Variants in ANKRD42 observed in about 807,000 individuals in gnomAD.
ANKRD42 encodes ankyrin repeat domain 42.
Under a neutral mutation model 51.5 loss-of-function variants are expected in ANKRD42, and 43 were observed. The observed-to-expected ratio is 0.83, with a 90% CI of 0.65 to 1.08. The LOEUF is 1.08. Among genes scored for constraint, ANKRD42 ranks in the 50% least tolerant of loss-of-function variants. The probability of loss-of-function intolerance (pLI) is 0.00; values close to 1 mark genes in which losing one functional copy is unlikely to be tolerated. For synonymous variants in ANKRD42, 203 were observed against 213.0 expected (o/e 0.95, Z 0.41); for missense variants, 608 against 629.3 (o/e 0.97, Z 0.36).
rs779388267 is a variant in ANKRD42, at chr11:83,210,428, C to T, written c.450+9C>T. 1.1e-5 allele frequency: 17 copies of T among 1,613,370 alleles called. No individual in the cohort carries two copies. The highest frequency in any genetic ancestry group is 1.3e-5 in the African/African-American group (1 of 74,904). ...TGCTCCGAAGTGGAGTGGTGAGTGA[C>T]TCCTGTTAATATGTGCTAATGTGTG... On this transcript the variant is annotated intron_variant, in intron 4 of 10. Coordinates refer to ENST00000533342, the MANE Select transcript of ANKRD42 (RefSeq NM_001300975.2).
At position 83,194,410 on chromosome 11, in the gene ANKRD42, G is replaced by A; in HGVS notation, c.-261G>A. The A allele has an allele frequency of 3.0e-6, 2 of 676,238 alleles. No individual in the cohort carries two copies. The highest frequency in any genetic ancestry group is 2.7e-6 in the Non-Finnish European group (1 of 368,486). 41.9% of individuals were successfully genotyped at this position (676,238 alleles called of 1,614,324 possible). A position where few individuals can be genotyped will look rare whatever the true frequency, so the allele number is the denominator to read the frequency against. ...GGAAGTAAGTGGAGACCGCGGCTAC[G>A]CAGCCAGCGACTCCTCTGGTGTGAG... On this transcript the variant is annotated 5_prime_UTR_variant, in exon 1 of 11. Transcript: ENST00000533342.
intron 5 of ANKRD42, among the ~76,000 whole-genome samples, chr11:83,222,622 T>C (rs1426230846): frequency 3.3e-5 from 5 of 152,096 alleles, no homozygotes; most frequent in African/African-American, 1.2e-4. Flanking sequence ...ACATTTCAGG[T>C]AGAGGTAACA....
chr11:83,260,653 A>G (rs1863887752), downstream of ANKRD42: 1 of 152,234 alleles, frequency 6.6e-6, no homozygotes, highest in Non-Finnish European at 1.5e-5. Context: ...ATGATTGTCA[A>G]ACTTTTATAG....
intron 8 of ANKRD42, 89 bp from the exon 9 acceptor site, chr11:83,240,670 C>A: frequency 7.0e-7 from 1 of 1,430,000 alleles, no homozygotes. Context: ...GCAGGGTGTA[C>A]AGAGTGTAAT....
chr11:83,231,199 C>T (rs149444013), intron 7 of ANKRD42, among the ~76,000 whole-genome samples: 75 of 152,304 alleles, frequency 4.9e-4, no homozygotes, highest in African/African-American at 1.7e-3. Context: ...GCTCCCTTTT[C>T]TCCACATCCT....
intron 2 of ANKRD42, among the ~76,000 whole-genome samples, chr11:83,202,790 G>T (rs977625850): frequency 2.6e-5 from 4 of 151,982 alleles, no homozygotes; most frequent in Non-Finnish European, 4.4e-5. Flanking sequence ...TAGATTTTGA[G>T]CTCTTTGAAG....
At chr11:83,261,937 A>G (rs1057118120), downstream of ANKRD42, 6 of 1,603,280 alleles carry the variant, frequency 3.7e-6, no homozygotes, top group Non-Finnish European at 5.1e-6. Context: ...TAAAATCCCA[A>G]TGCTATTGCC....
rs1471722794 is a variant in ANKRD42, at chr11:83,236,460, AG to A, written c.971del (p.Ser324IlefsTer24). 4 of 1,612,366 alleles carry A rather than the reference AG, an allele frequency of 2.5e-6. No individual in the cohort carries two copies. In the African/African-American group the frequency reaches 5.3e-5, roughly 22 times the overall value. On this transcript the variant is annotated frameshift_variant, in exon 8 of 11. Coordinates refer to ENST00000533342, the MANE Select transcript of ANKRD42 (RefSeq NM_001300975.2). LOFTEE classifies it high-confidence loss of function. Reference sequence around the variant, plus strand: ...GTGGTTAATTAAAATGGGAGCAGACAGTAATATTACCAACAAAGCAGGGGAG... The same window carrying A: ...GTGGTTAATTAAAATGGGAGCAGACATAATATTACCAACAAAGCAGGGGAG... The part of the protein sequence containing the change: ...LQWLIKMGAD[S>X]NITNKAGERP...
intron 5 of ANKRD42, among the ~76,000 whole-genome samples, chr11:83,223,826 C>T (rs927400969): frequency 1.3e-5 from 2 of 152,050 alleles, no homozygotes; most frequent in African/African-American, 4.8e-5. Flanking sequence ...TACCCTGCCT[C>T]TCCATAATCA....
intron 5 of ANKRD42, among the ~76,000 whole-genome samples, chr11:83,222,772 G>GT (rs1377489830): frequency 2.6e-5 from 4 of 152,142 alleles, no homozygotes; most frequent in East Asian, 1.9e-4. Context: ...GGGTTTGTTT[G>GT]TTTTTTCTTT....
downstream of ANKRD42, among the ~76,000 whole-genome samples, chr11:83,250,896 A>T (rs75199785): frequency 1.6e-3 from 237 of 152,228 alleles, no homozygotes; most frequent in African/African-American, 5.6e-3. Flanking sequence ...AGGTTTCTAT[A>T]TCTTTCTATC....
At chr11:83,210,907 G>A (rs1181082165) in intron 4 of ANKRD42, among the ~76,000 whole-genome samples, 2 of 152,172 alleles carry the variant, frequency 1.3e-5, no homozygotes, top group Admixed American at 6.6e-5. Flanking sequence ...AGACATTGTG[G>A]TAAGAGTTGG....
chr11:83,241,550 G>A (rs1056613014), intron 9 of ANKRD42, among the ~76,000 whole-genome samples: 11 of 151,994 alleles, frequency 7.2e-5, no homozygotes, highest in African/African-American at 1.5e-4. Context: ...AGCAGTGCAC[G>A]TAAAGGCCAT....
chr11:83,209,675 A>G, intron 3 of ANKRD42: 1 of 762,256 alleles, frequency 1.3e-6, no homozygotes, highest in Non-Finnish European at 2.4e-6. Context: ...AGCTTTACAC[A>G]GCTGTCCTTA....
intron 3 of ANKRD42, among the ~76,000 whole-genome samples, chr11:83,208,856 G>C (rs1401235915): frequency 6.6e-6 from 1 of 152,088 alleles, no homozygotes; most frequent in Admixed American, 6.5e-5. Context: ...GTAAAGTATA[G>C]AAGAGTCTCT....
Position 83,225,047 on chromosome 11 carries a change from A to G in ANKRD42, c.779A>G (p.Asp260Gly). The change falls in exon 6 of 11, where the codon GAT becomes GGT. Residue 260 changes from aspartate (D) to glycine (G), a missense_variant. Transcript: ENST00000533342. ...GAEYEGKDLEDQETLAFPGHV... is the reference protein window; with the variant it reads ...GAEYEGKDLEGQETLAFPGHV... ...GAGTATGAAGGAAAAGACCTAGAGG[A>G]TCAGGAAAGTAAGTAATTAAGTTAT... 6.2e-7 allele frequency: 1 copy of G among 1,611,574 alleles called. No individual in the cohort carries two copies. The highest frequency in any genetic ancestry group is 1.7e-4 in the Middle Eastern group (1 of 6,056).
intron 3 of ANKRD42, among the ~76,000 whole-genome samples, chr11:83,208,999 T>G (rs1862197428): frequency 6.6e-6 from 1 of 152,216 alleles, no homozygotes; most frequent in Admixed American, 6.5e-5. Context: ...AACCCATATA[T>G]AGAAACTAGG....
In ANKRD42 at chr11:83,224,965, C is replaced by T. The variant is rs750206728; in HGVS notation, c.697C>T (p.Leu233=). Residue 233 remains leucine (L), a synonymous_variant, in exon 6 of 11, where the codon CTG becomes TTG. Transcript: ENST00000533342. ...TTTCAATGATAATGGAGAAAATGTA[C>T]TGGATTTGGCCCAGAGGTTCTTCAA... The part of the protein sequence containing the change: ...KAFNDNGENV[L]DLAQRFFKQN... 6.2e-7 allele frequency: 1 copy of T among 1,613,632 alleles called. No individual in the cohort carries two copies.
At chr11:83,219,257 G>A (rs896257839) in intron 5 of ANKRD42, among the ~76,000 whole-genome samples, 1 of 152,212 alleles carries the variant, frequency 6.6e-6, no homozygotes, top group East Asian at 1.9e-4. Flanking sequence ...CAGCGGGATG[G>A]AAACGTCCCT....
Sources: allele counts gnomAD v4.1 joint callset (sites outside exome capture counted in the v4.1 genomes callset), GRCh38; gene constraint gnomAD v4.1.1; transcripts MANE v1.5; gene names NCBI Gene and HGNC (gene_info 2026-07-23, HGNC 2026-07-21).